The following KLF12 variants were observed in gnomAD, a reference collection of about 807,000 sequenced individuals.
KLF12 encodes KLF transcription factor 12.
A neutral mutation model predicts 37.8 loss-of-function variants in KLF12; 9 were observed. The observed-to-expected ratio is 0.24, with a 90% CI of 0.14 to 0.42. The LOEUF (loss-of-function observed/expected upper bound fraction) is 0.42, where lower values mean the gene tolerates loss of function less well. Among genes scored for constraint, KLF12 ranks in the 10% least tolerant of loss-of-function variants. The probability of loss-of-function intolerance (pLI) is 1.00; values close to 1 mark genes in which losing one functional copy is unlikely to be tolerated. For missense variants in KLF12, 411 were observed against 516.0 expected, an observed-to-expected ratio of 0.80 and a Z score of 1.97; for synonymous variants, 208 against 202.1, an observed-to-expected ratio of 1.03 and a Z score of -0.25.
chr13:74,305,513 T>C, the KLF12 span, among the ~76,000 whole-genome samples: 1 of 152,104 alleles, frequency 6.6e-6, no homozygotes, highest in Non-Finnish European at 1.5e-5. Flanking sequence ...ACTCTCTCTT[T>C]TTTTTAGGTT....
the KLF12 span, among the ~76,000 whole-genome samples, chr13:74,214,643 T>A: frequency 2.2e-5 from 2 of 92,774 alleles, no homozygotes; most frequent in African/African-American, 1.3e-4. Context: ...TGATTTCAGA[T>A]TTTTTTTTTT....
intron 3 of KLF12, among the ~76,000 whole-genome samples, chr13:73,907,699 C>A (rs1182722335): frequency 6.6e-6 from 1 of 152,152 alleles, no homozygotes; most frequent in Non-Finnish European, 1.5e-5. Flanking sequence ...CATCTGGTTC[C>A]ACAATGTCAG....
At chr13:74,104,624 C>T (rs1328697940) in intron 1 of KLF12, among the ~76,000 whole-genome samples, 1 of 152,166 alleles carries the variant, frequency 6.6e-6, no homozygotes, top group Non-Finnish European at 1.5e-5. Context: ...AGATAGTATA[C>T]AATTTCCTGA....
Position 73,687,198 on chromosome 13 carries a change from T to C in KLF12, c.*8292A>G, listed in dbSNP as rs1873543314. 1 of 152,668 alleles carries C rather than the reference T, an allele frequency of 6.6e-6. No homozygotes were observed. Among genetic ancestry groups the C allele is most frequent in the African/African-American group, 2.4e-5 (1 of 41,472 alleles). The allele number at this position is 152,668 out of a possible 1,614,324, so 9.5% of individuals were successfully genotyped here. The stretch of plus-strand genomic sequence containing the variant: ...TGTTATGATACACATAATTGCATTA[T>C]GATGCAGGATGACATAATACATAAG... On this transcript the variant is annotated 3_prime_UTR_variant, in exon 8 of 8. Coordinates refer to ENST00000377669, the MANE Select transcript of KLF12 (RefSeq NM_007249.5).
At chr13:74,130,946 G>A (rs1878228459) in intron 1 of KLF12, among the ~76,000 whole-genome samples, 1 of 152,062 alleles carries the variant, frequency 6.6e-6, no homozygotes, top group Non-Finnish European at 1.5e-5. Flanking sequence ...AAAACATAAA[G>A]TCCCATGCTT....
At chr13:74,175,144 C>A in the KLF12 span, among the ~76,000 whole-genome samples, 3 of 152,282 alleles carry the variant, frequency 2.0e-5, no homozygotes, top group Admixed American at 1.3e-4. Context: ...ATTTTTTTTA[C>A]CATTGCACAT....
the KLF12 span, among the ~76,000 whole-genome samples, chr13:74,285,284 G>T: frequency 6.6e-6 from 1 of 151,988 alleles, no homozygotes; most frequent in Non-Finnish European, 1.5e-5. Context: ...AATAGTAATG[G>T]TGGTCTTTTA....
the KLF12 span, among the ~76,000 whole-genome samples, chr13:74,254,529 C>T: frequency 1.3e-5 from 2 of 152,132 alleles, no homozygotes; most frequent in Non-Finnish European, 2.9e-5. Context: ...CTGAAATCTA[C>T]ACAGAAATAT....
chr13:74,068,074 A>T (rs1874019364), intron 1 of KLF12, among the ~76,000 whole-genome samples: 1 of 152,244 alleles, frequency 6.6e-6, no homozygotes, highest in African/African-American at 2.4e-5. Context: ...GAGCAGACCG[A>T]GTACCTCAGC....
intron 2 of KLF12, among the ~76,000 whole-genome samples, chr13:73,972,690 G>A (rs919683177): frequency 2.0e-5 from 3 of 149,548 alleles, no homozygotes; most frequent in Non-Finnish European, 4.4e-5. Context: ...AGATCGATAC[G>A]AGGTGACAGA....
intron 1 of KLF12, among the ~76,000 whole-genome samples, chr13:74,048,202 A>G (rs9530270): frequency 6.6e-6 from 1 of 152,038 alleles, no homozygotes; most frequent in Non-Finnish European, 1.5e-5. Flanking sequence ...ACATCAGCTT[A>G]CATCTCACTG....
chr13:73,768,108 C>A (rs925979323), intron 5 of KLF12, among the ~76,000 whole-genome samples: 1 of 152,182 alleles, frequency 6.6e-6, no homozygotes, highest in East Asian at 1.9e-4. Flanking sequence ...ACCAGCCTGC[C>A]TGACTGAATC....
chr13:73,893,299 C>T (rs1415141905), intron 3 of KLF12, among the ~76,000 whole-genome samples: 1 of 150,946 alleles, frequency 6.6e-6, no homozygotes, highest in Non-Finnish European at 1.5e-5. Flanking sequence ...TCAATTTCTG[C>T]CAGTAATTTG....
At chr13:74,251,101 C>G in the KLF12 span, among the ~76,000 whole-genome samples, 1,597 of 152,140 alleles carry the variant, frequency 0.01, 32 homozygotes, top group African/African-American at 0.035. Flanking sequence ...AGTAAATCAC[C>G]CAGCTATGAA....
chr13:74,135,941 C>T (rs1878540773), upstream of KLF12, among the ~76,000 whole-genome samples: 1 of 152,166 alleles, frequency 6.6e-6, no homozygotes, highest in Non-Finnish European at 1.5e-5. Flanking sequence ...GTGTGCGTTC[C>T]TAATGACAAC....
At chr13:73,754,093 C>CT (rs1401189563) in intron 6 of KLF12, among the ~76,000 whole-genome samples, 1 of 152,120 alleles carries the variant, frequency 6.6e-6, no homozygotes, top group Non-Finnish European at 1.5e-5. Context: ...TTTAATGCTC[C>CT]TGGAGGTACC....
the KLF12 span, among the ~76,000 whole-genome samples, chr13:74,305,152 ACTT>A: frequency 6.6e-6 from 1 of 152,028 alleles, no homozygotes; most frequent in Non-Finnish European, 1.5e-5. Flanking sequence ...TGTTTTCTGT[ACTT>A]CATGTTGCTA....
intron 4 of KLF12, among the ~76,000 whole-genome samples, chr13:73,841,308 CCA>C (rs1302091768): frequency 6.6e-6 from 1 of 152,128 alleles, no homozygotes; most frequent in East Asian, 1.9e-4. Context: ...CCAGGGGTGT[CCA>C]GTCTTTTGGC....
intron 3 of KLF12, among the ~76,000 whole-genome samples, chr13:73,941,438 G>A (rs1307084624): frequency 6.6e-6 from 1 of 152,138 alleles, no homozygotes; most frequent in Non-Finnish European, 1.5e-5. Context: ...ACATGTGAGT[G>A]TAATTATTTA....
Sources: gnomAD v4.1 joint callset for allele counts (sites outside exome capture counted in the v4.1 genomes callset) on GRCh38, gnomAD v4.1.1 for gene constraint, MANE v1.5 for transcripts, NCBI Gene and HGNC (gene_info 2026-07-23, HGNC 2026-07-21) for gene names.